Variants in TAF15 observed in about 807,000 individuals in gnomAD.
TAF15 encodes TATA-box binding protein associated factor 15.
TAF15 carries 37 observed loss-of-function variants against 102.5 expected under a neutral mutation model. The observed-to-expected ratio is 0.36, with a 90% CI of 0.28 to 0.47. The LOEUF (loss-of-function observed/expected upper bound fraction) is 0.47. Ranked by LOEUF, TAF15 falls within the 20% of genes least tolerant of loss-of-function variation. The probability of loss-of-function intolerance (pLI) is 0.99; values close to 1 mark genes in which losing one functional copy is unlikely to be tolerated. For synonymous variants in TAF15, 273 were observed against 259.2 expected (o/e 1.05, Z -0.51); for missense variants, 652 against 760.7 (o/e 0.86, Z 1.68).
chr17:35,824,230 T>C, intron 7 of TAF15, 32 bp downstream of exon 7: 1 of 1,601,932 alleles, frequency 6.2e-7, no homozygotes, highest in South Asian at 1.1e-5. Flanking sequence ...CGTACATTTC[T>C]TCTTCTTCCT....
At chr17:35,830,679 C>G (rs184923020) in intron 7 of TAF15, among the ~76,000 whole-genome samples, 249 of 152,280 alleles carry the variant, frequency 1.6e-3, no homozygotes, top group Non-Finnish European at 3.0e-3. Flanking sequence ...AACGTTTGAA[C>G]TTGAAAGAAG....
chr17:35,845,655 G>A lies in TAF15; in HGVS notation c.1739+617G>A, dbSNP rs1166340180. ...CTCCCAAGTAGCTGGGACTATGGGC[G>A]CCCGCCACCACGCCCGGCTAATTTT... On this transcript the variant is annotated intron_variant, in intron 15 of 15. Transcript: ENST00000605844. Among the ~76,000 whole-genome samples the A allele has an allele frequency of 7.2e-5, 11 of 152,074 alleles. 1 individual carries two copies. Among genetic ancestry groups the A allele is most frequent in the Non-Finnish European group, 1.5e-5 (1 of 68,002 alleles).
chr17:35,838,721 C>T (rs921514469), intron 11 of TAF15, among the ~76,000 whole-genome samples, 168 bp downstream of exon 11: 6 of 152,142 alleles, frequency 3.9e-5, no homozygotes, highest in African/African-American at 1.4e-4. Context: ...TGAGCTCTAT[C>T]GTTGTTGGTC....
intron 10 of TAF15, 23 bp from the exon 11 acceptor site, chr17:35,838,401 C>G: frequency 6.2e-7 from 1 of 1,613,648 alleles, no homozygotes; most frequent in East Asian, 2.2e-5. Context: ...ATGCTAACAC[C>G]AAGTGTTTCT....
chr17:35,840,964 C>T (rs1186968836), intron 11 of TAF15, among the ~76,000 whole-genome samples: 2 of 152,170 alleles, frequency 1.3e-5, no homozygotes, highest in African/African-American at 4.8e-5. Flanking sequence ...CTCTTGAAGG[C>T]TAAGTCCATT....
chr17:35,839,139 G>T (rs1245931291), intron 11 of TAF15, among the ~76,000 whole-genome samples: 1 of 150,390 alleles, frequency 6.6e-6, no homozygotes, highest in Non-Finnish European at 1.5e-5. Flanking sequence ...AAATAACCTG[G>T]ACGTGGTGGT....
rs776443143 is a variant in TAF15, at chr17:35,820,387, G to A, written c.240G>A (p.Gln80=). 1.2e-6 allele frequency: 2 copies of A among 1,614,014 alleles called. No homozygotes were observed. The highest frequency in any genetic ancestry group is 1.1e-5 in the South Asian group (1 of 91,086). The change falls in exon 5 of 16, where the codon CAG becomes CAA. Residue 80 remains glutamine, a synonymous_variant. Coordinates refer to ENST00000605844, the MANE Select transcript of TAF15 (RefSeq NM_139215.3). ...ATCAAAAGCAGAGCTCATATAGCCA[G>A]CAACCATATAATAACCAGGGACAGC... is the stretch of plus-strand genomic sequence containing the variant. The part of the protein sequence containing the change: ...YENQKQSSYS[Q]QPYNNQGQQQ...
At chr17:35,818,876 A>G (rs2087225636) in intron 2 of TAF15, among the ~76,000 whole-genome samples, 1 of 151,980 alleles carries the variant, frequency 6.6e-6, no homozygotes, top group Non-Finnish European at 1.5e-5. Flanking sequence ...GCGTTTTATT[A>G]TGGTGTATAA....
In TAF15 at chr17:35,847,116, G is replaced by T; in HGVS notation, c.*171G>T. The T allele has an allele frequency of 2.7e-6, 2 of 727,486 alleles. No homozygotes were observed. The highest frequency in any genetic ancestry group is 1.7e-5 in the South Asian group (1 of 59,768). The allele number at this position is 727,486 out of a possible 1,614,324, so 45.1% of individuals were successfully genotyped here. On this transcript the variant is annotated 3_prime_UTR_variant, in exon 16 of 16. Transcript: ENST00000605844. ...TTTTTCTTCTAGAAATGTCTGTTGA[G>T]ATTTCCCCCTTTAGTTTCCAACCTT...
At chr17:35,820,781 C>G (rs183920145) in intron 5 of TAF15, among the ~76,000 whole-genome samples, 138 of 151,980 alleles carry the variant, frequency 9.1e-4, no homozygotes, top group African/African-American at 3.1e-3. Context: ...TATTTTTGAA[C>G]CATTTGAATA....
chr17:35,844,222 A>G (rs1489938169), intron 13 of TAF15, 58 bp from the exon 14 acceptor site: 24 of 1,609,296 alleles, frequency 1.5e-5, no homozygotes, highest in Non-Finnish European at 2.0e-5. Flanking sequence ...GGATACAGAA[A>G]GGGGTTCTGA....
chr17:35,830,245 T>A (rs536957002), intron 7 of TAF15: 3 of 151,754 alleles, frequency 2.0e-5, no homozygotes, highest in Non-Finnish European at 4.4e-5. Context: ...TGCTCAGGAG[T>A]TCGTGACCAG....
chr17:35,826,593 T>A (rs2087331502), intron 7 of TAF15, among the ~76,000 whole-genome samples: 1 of 151,198 alleles, frequency 6.6e-6, no homozygotes. Context: ...AGTCTCGCTC[T>A]GTTGCCCAGG....
chr17:35,826,665 C>A (rs1051787573), intron 7 of TAF15, among the ~76,000 whole-genome samples: 4 of 149,884 alleles, frequency 2.7e-5, no homozygotes, highest in African/African-American at 9.8e-5. Flanking sequence ...TCAAACAGTT[C>A]TCCTGCCTCA....
chr17:35,834,057 G>T, intron 8 of TAF15, 116 bp downstream of exon 8: 5 of 967,748 alleles, frequency 5.2e-6, no homozygotes, highest in Non-Finnish European at 7.6e-6. Context: ...GCTGGTGTGT[G>T]TTGTGTGCTT....
chr17:35,822,983 A>G (rs1424027284), intron 6 of TAF15, 150 bp downstream of exon 6: 1 of 985,890 alleles, frequency 1.0e-6, no homozygotes. Context: ...AATCAAAACT[A>G]GTTTATCAGA....
At chr17:35,812,678 A>C (rs1262290053) in intron 1 of TAF15, among the ~76,000 whole-genome samples, 1 of 152,124 alleles carries the variant, frequency 6.6e-6, no homozygotes, top group Non-Finnish European at 1.5e-5. Flanking sequence ...CAAGCCTTGC[A>C]AAAGATATGT....
chr17:35,814,253 C>T (rs1020616365), intron 1 of TAF15, among the ~76,000 whole-genome samples: 1 of 151,850 alleles, frequency 6.6e-6, no homozygotes, highest in African/African-American at 2.4e-5. Context: ...GCAAGCTCCG[C>T]CTCCTGGGTT....
chr17:35,809,727 A>G, intron 1 of TAF15, 151 bp downstream of exon 1: 4 of 1,039,802 alleles, frequency 3.8e-6, no homozygotes, highest in Non-Finnish European at 5.8e-6. Flanking sequence ...CGCCATGTTG[A>G]ACTGGAGGCA....
Sources: gnomAD v4.1 joint callset for allele counts (sites outside exome capture counted in the v4.1 genomes callset) on GRCh38, gnomAD v4.1.1 for gene constraint, MANE v1.5 for transcripts, NCBI Gene and HGNC (gene_info 2026-07-23, HGNC 2026-07-21) for gene names.